The following SLC2A9 variants were observed in gnomAD, a reference collection of about 807,000 sequenced individuals.
The protein encoded by SLC2A9 is solute carrier family 2 member 9, also known as solute carrier family 2, facilitated glucose transporter member 9.
SLC2A9 carries 39 observed loss-of-function variants against 50.6 expected under a neutral mutation model. That is an observed-to-expected ratio of 0.77 (90% CI 0.60 to 1.01). The LOEUF (loss-of-function observed/expected upper bound fraction) is 1.01, where lower values mean the gene tolerates loss of function less well. Among genes scored for constraint, SLC2A9 ranks in the 50% least tolerant of loss-of-function variants. The pLI is 0.00. For missense variants in SLC2A9, 686 were observed against 677.6 expected (o/e 1.01, Z -0.14); for synonymous variants, 324 against 276.9 (o/e 1.17, Z -1.69).
chr4:9,801,079 CAT>C (rs770681355), intron 3 of SLC2A9, among the ~76,000 whole-genome samples: 2 of 152,064 alleles, frequency 1.3e-5, no homozygotes, highest in Non-Finnish European at 2.9e-5. Context: ...GCTTCTACCA[CAT>C]GTGTAAGACA....
At chr4:10,007,048 C>G (rs1047223119) in intron 2 of SLC2A9, among the ~76,000 whole-genome samples, 1 of 152,188 alleles carries the variant, frequency 6.6e-6, no homozygotes, top group Non-Finnish European at 1.5e-5. Context: ...CTCTGGACTT[C>G]ACCCCTGCAC....
chr4:9,784,064 G>A (rs1718889793), intron 3 of SLC2A9: 1 of 165,842 alleles, frequency 6.0e-6, no homozygotes, highest in African/African-American at 2.4e-5. Flanking sequence ...TGCTTCTGAA[G>A]AAACGATGAG....
At chr4:9,848,567 C>CT (rs1243532852) in intron 10 of SLC2A9, among the ~76,000 whole-genome samples, 1 of 152,130 alleles carries the variant, frequency 6.6e-6, no homozygotes, top group African/African-American at 2.4e-5. Context: ...CATCTTGTCT[C>CT]TTTTTCTCCC....
chr4:9,852,131 A>T (rs1374125458), intron 10 of SLC2A9, among the ~76,000 whole-genome samples: 16 of 152,364 alleles, frequency 1.1e-4, no homozygotes, highest in Non-Finnish European at 2.9e-5. Context: ...AAAATGTTAA[A>T]GGCAGCTAGA....
intron 3 of SLC2A9, among the ~76,000 whole-genome samples, chr4:9,987,476 A>C (rs1480555237): frequency 6.6e-6 from 1 of 152,224 alleles, no homozygotes; most frequent in Non-Finnish European, 1.5e-5. Flanking sequence ...GAAACATCTT[A>C]GCCCTTTACG....
intron 11 of SLC2A9, among the ~76,000 whole-genome samples, chr4:9,833,040 T>C (rs552705630): frequency 1.2e-4 from 19 of 152,320 alleles, no homozygotes; most frequent in African/African-American, 3.6e-4. Flanking sequence ...GGGGGAACCA[T>C]GTTGACAGAA....
intron 3 of SLC2A9, chr4:9,783,451 T>C (rs1255506553): frequency 6.2e-7 from 1 of 1,607,568 alleles, no homozygotes. Context: ...TCACCCCGAA[T>C]GGATTCCATT....
chr4:10,000,829 C>T (rs2109328726), intron 2 of SLC2A9, among the ~76,000 whole-genome samples: 1 of 152,238 alleles, frequency 6.6e-6, no homozygotes, highest in South Asian at 2.1e-4. Flanking sequence ...CTGTTCCTCC[C>T]TACGTGAGTG....
rs145375160 is a variant in SLC2A9 at position 9,964,916 on chromosome 4, C to T, written c.681+15676G>A. On this transcript the variant is annotated intron_variant, in intron 5 of 11. Coordinates refer to ENST00000264784, the MANE Select transcript of SLC2A9 (RefSeq NM_020041.3). ...AGGAAGCTCAAGTCCCACTGCCTCC[C>T]TGCTGCAGACATTCGGAGTAATTAT... is the stretch of plus-strand genomic sequence containing the variant. Among the ~76,000 whole-genome samples the T allele has an allele frequency of 7.1e-3, 1,087 of 152,318 alleles. 10 individuals are homozygous for T. Among genetic ancestry groups the T allele is most frequent in the Middle Eastern group, 0.044 (13 of 294 alleles).
intron 10 of SLC2A9, among the ~76,000 whole-genome samples, chr4:9,861,358 C>A (rs1731602851): frequency 6.6e-6 from 1 of 151,966 alleles, no homozygotes; most frequent in Non-Finnish European, 1.5e-5. Flanking sequence ...CTCACTATCA[C>A]AAGGACAGTA....
chr4:9,814,655 GAC>G (rs1295996435), intron 3 of SLC2A9, among the ~76,000 whole-genome samples: 2 of 152,298 alleles, frequency 1.3e-5, no homozygotes, highest in Non-Finnish European at 2.9e-5. Context: ...GGACAGTGGA[GAC>G]ACCTGGACTC....
chr4:10,020,374 G>A (rs1280355491), intron 1 of SLC2A9, among the ~76,000 whole-genome samples: 1 of 152,162 alleles, frequency 6.6e-6, no homozygotes, highest in Admixed American at 6.5e-5. Context: ...CCTGTGAAAT[G>A]GGATCTTAAT....
downstream of SLC2A9, among the ~76,000 whole-genome samples, chr4:9,822,353 TTTA>T: frequency 6.6e-6 from 1 of 152,288 alleles, no homozygotes; most frequent in East Asian, 1.9e-4. Context: ...ATAGTTTGCT[TTTA>T]TTTTTCTAGT....
chr4:9,945,709 T>A (rs1749025808), intron 5 of SLC2A9, among the ~76,000 whole-genome samples: 1 of 152,130 alleles, frequency 6.6e-6, no homozygotes, highest in Non-Finnish European at 1.5e-5. Context: ...ACTTCTACCA[T>A]CTGACCCAGG....
intron 10 of SLC2A9, among the ~76,000 whole-genome samples, chr4:9,852,428 A>G (rs1730112573): frequency 6.6e-6 from 1 of 150,936 alleles, no homozygotes; most frequent in South Asian, 2.1e-4. Flanking sequence ...AATTTTTTGT[A>G]TTTTTAGTAG....
chr4:9,972,874 C>T (rs1340866980), intron 5 of SLC2A9, among the ~76,000 whole-genome samples: 1 of 152,092 alleles, frequency 6.6e-6, no homozygotes, highest in African/African-American at 2.4e-5. Flanking sequence ...ATCTTATCAC[C>T]ACTCCTAGAG....
intron 10 of SLC2A9, among the ~76,000 whole-genome samples, chr4:9,847,844 C>A (rs1729228594): frequency 6.6e-6 from 1 of 152,206 alleles, no homozygotes; most frequent in African/African-American, 2.4e-5. Context: ...TCAGATATGG[C>A]ATCAGACATT....
intron 8 of SLC2A9, among the ~76,000 whole-genome samples, chr4:9,904,094 T>C (rs1740176596): frequency 6.6e-6 from 1 of 152,012 alleles, no homozygotes. Context: ...GGAGTGGCTT[T>C]CACACACTTT....
intron 3 of SLC2A9, chr4:9,782,287 A>G: frequency 6.2e-7 from 1 of 1,613,996 alleles, no homozygotes; most frequent in Non-Finnish European, 8.5e-7. Context: ...TGGCCGTGTC[A>G]GACCTTTTCG....
Sources: gnomAD v4.1 joint callset for allele counts (sites outside exome capture counted in the v4.1 genomes callset) on GRCh38, gnomAD v4.1.1 for gene constraint, MANE v1.5 for transcripts, NCBI Gene and HGNC (gene_info 2026-07-23, HGNC 2026-07-21) for gene names.